The following ADAM28 variants were observed in gnomAD, a reference collection of about 807,000 sequenced individuals.
ADAM28 encodes disintegrin and metalloproteinase domain-containing protein 28.
ADAM28 carries 105 observed loss-of-function variants against 101.2 expected under a neutral mutation model. That is an observed-to-expected ratio of 1.04 (90% CI 0.89 to 1.22). The LOEUF is 1.22. Among genes scored for constraint, ADAM28 ranks in the 50% most tolerant of loss-of-function variants. The probability of loss-of-function intolerance (pLI) is 0.00; values close to 1 mark genes in which losing one functional copy is unlikely to be tolerated. For synonymous variants in ADAM28, 322 were observed against 310.6 expected, an observed-to-expected ratio of 1.04 and a Z score of -0.39; for missense variants, 1,028 against 945.4, an observed-to-expected ratio of 1.09 and a Z score of -1.15.
At chr8:24,342,875 T>C (rs1310842374) in intron 16 of ADAM28, 1 of 693,832 alleles carries the variant, frequency 1.4e-6, no homozygotes, top group Non-Finnish European at 2.2e-6. Context: ...GTTGTTTGGA[T>C]TTTTAAAAAT....
At chr8:24,304,626 G>A (rs979658586) in intron 2 of ADAM28, among the ~76,000 whole-genome samples, 9 of 152,094 alleles carry the variant, frequency 5.9e-5, no homozygotes, top group Non-Finnish European at 2.9e-5. Flanking sequence ...AGCACTTTGG[G>A]AGATTGAGGC....
Position 24,313,464 on chromosome 8 carries a change from G to A in ADAM28, c.460G>A (p.Ala154Thr). 6.2e-7 allele frequency: 1 copy of A among 1,613,868 alleles called. No individual in the cohort carries two copies. The highest frequency in any genetic ancestry group is 8.5e-7 in the Non-Finnish European group (1 of 1,179,850). The change falls in exon 6 of 23, where the codon GCA (alanine) becomes ACA (threonine). Residue 154 changes from alanine (A) to threonine (T), a missense_variant. Physicochemically the swap from Ala to Thr is moderately conservative, Grantham distance 58. Coordinates refer to ENST00000265769, the MANE Select transcript of ADAM28 (RefSeq NM_014265.6). ...CATACATCGGGATGGACAGGAGCAT[G>A]CACTCTTCAAGTATAACCCTGATGA... Reference protein sequence around the residue: ...SPIHRDGQEHALFKYNPDEKN... With the variant: ...SPIHRDGQEHTLFKYNPDEKN...
chr8:24,294,104 C>G lies in ADAM28; in HGVS notation c.-46C>G. ...AGGCAGGGACAGACCCAGCAGCACC[C>G]ACCTGAGCGAGAAGAGCAGACACCG... On this transcript the variant is annotated 5_prime_UTR_variant, in exon 1 of 23. Coordinates refer to ENST00000265769, the MANE Select transcript of ADAM28 (RefSeq NM_014265.6). 1.9e-6 allele frequency: 3 copies of G among 1,611,688 alleles called. No individual in the cohort carries two copies. Among genetic ancestry groups the G allele is most frequent in the Non-Finnish European group, 2.5e-6 (3 of 1,177,876 alleles).
chr8:24,351,069 G>T (rs763867982), intron 19 of ADAM28, among the ~76,000 whole-genome samples, 163 bp from the exon 20 acceptor site: 3 of 152,102 alleles, frequency 2.0e-5, no homozygotes, highest in Non-Finnish European at 2.9e-5. Flanking sequence ...CAATGAAAGA[G>T]GCTGACGGGG....
chr8:24,343,485 A>G, intron 17 of ADAM28, 21 bp from the exon 18 acceptor site: 3 of 1,612,658 alleles, frequency 1.9e-6, no homozygotes, highest in Admixed American at 1.7e-5. Flanking sequence ...GGGGACAGTA[A>G]CAGGATCATT....
intron 2 of ADAM28, chr8:24,300,816 GA>G (rs1194014585): frequency 6.6e-6 from 1 of 152,082 alleles, no homozygotes; most frequent in Non-Finnish European, 1.5e-5. Context: ...TATGACAATT[GA>G]AACAGAAACA....
rs1279421132 is a variant in ADAM28, at chr8:24,357,292, A to AATAG, written c.*2893_*2896dup. ...GGTTTGGAGATATTTGTTATGCAGC[A>AATAG]ATAGATAGCTGATACAAGGAAGTAG... On this transcript the variant is annotated 3_prime_UTR_variant, in exon 23 of 23. Coordinates refer to ENST00000265769, the MANE Select transcript of ADAM28 (RefSeq NM_014265.6). 3.3e-5 allele frequency: 5 copies of AATAG among 152,202 alleles called. No individual in the cohort carries two copies. Among genetic ancestry groups the AATAG allele is most frequent in the Non-Finnish European group, 5.9e-5 (4 of 68,022 alleles). 9.4% of individuals were successfully genotyped at this position (152,202 alleles called of 1,614,324 possible).
rs867035514 is a variant in ADAM28 at position 24,325,889 on chromosome 8, A to C, written c.891-665A>C. Among the ~76,000 whole-genome samples the C allele has an allele frequency of 6.6e-3, 941 of 141,984 alleles. 18 individuals are homozygous for C. The highest frequency in any genetic ancestry group is 0.023 in the African/African-American group (839 of 36,032). 93.1% of individuals were successfully genotyped at this position (141,984 alleles called of 152,430 possible). A position where few individuals can be genotyped will look rare whatever the true frequency, so the allele number is the denominator to read the frequency against. ...CAGATAGCAAAAAAAAAAAAAAAAA[A>C]AAAAAAAAAAACCAAAAAACAAAAA... On this transcript the variant is annotated intron_variant, in intron 9 of 22. Coordinates refer to ENST00000265769, the MANE Select transcript of ADAM28 (RefSeq NM_014265.6).
In ADAM28 at chr8:24,351,537, C is replaced by T. The variant is rs557064588; in HGVS notation, c.2178+227C>T. The stretch of plus-strand genomic sequence containing the variant: ...CAGAATAAAGAGAACAAAGAATGCA[C>T]ATACCGGATGTCTGTCTGTCTCTCT... On this transcript the variant is annotated intron_variant, in intron 20 of 22. Coordinates refer to ENST00000265769, the MANE Select transcript of ADAM28 (RefSeq NM_014265.6). 183 of 592,440 alleles carry T rather than the reference C, an allele frequency of 3.1e-4. 5 individuals are homozygous for T. In the South Asian group the frequency reaches 3.3e-3, roughly 11 times the overall value. The allele number at this position is 592,440 out of a possible 1,614,324, so 36.7% of individuals were successfully genotyped here.
chr8:24,349,824 G>C lies in ADAM28; in HGVS notation c.1991-40G>C, dbSNP rs1200726331. ...GGACTAGTGTGTTGTGCAGATGTGTGTTTCTGCAGTCCTCAGCGGGCCCCT... is the reference window on the plus strand; with the variant it reads ...GGACTAGTGTGTTGTGCAGATGTGTCTTTCTGCAGTCCTCAGCGGGCCCCT... On this transcript the variant is annotated intron_variant, in intron 18 of 22. Coordinates refer to ENST00000265769, the MANE Select transcript of ADAM28 (RefSeq NM_014265.6). The C allele has an allele frequency of 2.6e-6, 4 of 1,514,688 alleles. No individual in the cohort carries two copies. In the South Asian group the frequency reaches 4.5e-5, roughly 17 times the overall value. The allele number at this position is 1,514,688 out of a possible 1,614,324, so 93.8% of individuals were successfully genotyped here.
intron 18 of ADAM28, among the ~76,000 whole-genome samples, chr8:24,344,220 G>C (rs1383080656): frequency 2.6e-5 from 4 of 152,062 alleles, no homozygotes; most frequent in Non-Finnish European, 5.9e-5. Flanking sequence ...AGCCAGAGTG[G>C]GGACCCACCT....
intron 2 of ADAM28, among the ~76,000 whole-genome samples, chr8:24,307,434 T>C (rs1809846387): frequency 6.6e-6 from 1 of 152,220 alleles, no homozygotes; most frequent in Non-Finnish European, 1.5e-5. Flanking sequence ...CATTGCTTAA[T>C]ATTTCAGCTA....
chr8:24,335,687 A>G lies in ADAM28; in HGVS notation c.1567+46A>G, dbSNP rs753006447. ...CCCTGTGCATGTGCGAAGGAAAATC[A>G]TTTCAGATGACAGTGTTTAACCATG... On this transcript the variant is annotated intron_variant, in intron 14 of 22. Coordinates refer to ENST00000265769, the MANE Select transcript of ADAM28 (RefSeq NM_014265.6). 5.3e-6 allele frequency: 8 copies of G among 1,498,404 alleles called. No individual in the cohort carries two copies. The East Asian group carries it at 2.0e-4, about 37-fold the overall frequency. 92.8% of individuals were successfully genotyped at this position (1,498,404 alleles called of 1,614,324 possible). A position where few individuals can be genotyped will look rare whatever the true frequency, so the allele number is the denominator to read the frequency against.
intron 4 of ADAM28, among the ~76,000 whole-genome samples, chr8:24,310,719 C>A (rs941346356): frequency 6.6e-6 from 1 of 152,124 alleles, no homozygotes; most frequent in Admixed American, 6.6e-5. Context: ...ACCATTACCT[C>A]TTTTTCTGAG....
intron 6 of ADAM28, among the ~76,000 whole-genome samples, chr8:24,318,425 C>A (rs1811449321): frequency 6.6e-6 from 1 of 151,918 alleles, no homozygotes; most frequent in Non-Finnish European, 1.5e-5. Flanking sequence ...TACATTCTTC[C>A]TAGGTAATCT....
At position 24,356,333 on chromosome 8, in the gene ADAM28, A is replaced by G. The variant is rs941430104; in HGVS notation, c.*1929A>G. 1 of 152,068 alleles carries G rather than the reference A, an allele frequency of 6.6e-6. No individual in the cohort carries two copies. The highest frequency in any genetic ancestry group is 1.5e-5 in the Non-Finnish European group (1 of 68,010). 9.4% of individuals were successfully genotyped at this position (152,068 alleles called of 1,614,324 possible). On this transcript the variant is annotated 3_prime_UTR_variant, in exon 23 of 23. Coordinates refer to ENST00000265769, the MANE Select transcript of ADAM28 (RefSeq NM_014265.6). ...TAATAGATTCACCTAATCCTTTTTT[A>G]TACTGATGGAATGGAAATCTTAAAT... is the stretch of plus-strand genomic sequence containing the variant.
intron 9 of ADAM28, among the ~76,000 whole-genome samples, chr8:24,324,545 T>A (rs894032549): frequency 1.3e-5 from 2 of 151,972 alleles, no homozygotes; most frequent in Non-Finnish European, 2.9e-5. Flanking sequence ...CAGTAAGGAT[T>A]GACTTGAAGT....
At chr8:24,344,741 C>T (rs1815205045) in intron 18 of ADAM28, among the ~76,000 whole-genome samples, 4 of 152,024 alleles carry the variant, frequency 2.6e-5, no homozygotes, top group Admixed American at 2.0e-4. Context: ...GGTTTCAATG[C>T]TCACTAAAAA....
intron 14 of ADAM28, 54 bp downstream of exon 14, chr8:24,335,695 T>C (rs1441389604): frequency 6.7e-7 from 1 of 1,488,498 alleles, no homozygotes. Flanking sequence ...TCATTTCAGA[T>C]GACAGTGTTT....
Sources: allele counts gnomAD v4.1 joint callset (sites outside exome capture counted in the v4.1 genomes callset), GRCh38; gene constraint gnomAD v4.1.1; transcripts MANE v1.5; gene names NCBI Gene and HGNC (gene_info 2026-07-23, HGNC 2026-07-21).